Variants in GRIK1 observed in about 807,000 individuals in gnomAD.
The protein encoded by GRIK1 is glutamate ionotropic receptor kainate type subunit 1.
In GRIK1, 69 loss-of-function variants were observed where a neutral mutation model predicts 105.7. The observed-to-expected ratio is 0.65, with a 90% CI of 0.54 to 0.80. The LOEUF (loss-of-function observed/expected upper bound fraction) is 0.80. Among genes scored for constraint, GRIK1 ranks in the 30% least tolerant of loss-of-function variants. The pLI is 0.00. For synonymous variants in GRIK1, 438 were observed against 431.3 expected (o/e 1.02, Z -0.19); for missense variants, 1,109 against 1,167.3 (o/e 0.95, Z 0.73).
intron 1 of GRIK1, among the ~76,000 whole-genome samples, chr21:29,879,252 T>C (rs2069307104): frequency 6.6e-6 from 1 of 152,100 alleles, no homozygotes; most frequent in Admixed American, 6.6e-5. Context: ...GCTGTTGGAA[T>C]TGGTGGTCTG....
chr21:29,660,015 A>C (rs953101510), intron 4 of GRIK1, among the ~76,000 whole-genome samples: 9 of 151,988 alleles, frequency 5.9e-5, no homozygotes, highest in Non-Finnish European at 1.3e-4. Flanking sequence ...AAAAACCCTC[A>C]CTGCCAGCTG....
At chr21:29,544,377 G>A (rs886888154) in intron 16 of GRIK1, among the ~76,000 whole-genome samples, 2 of 152,162 alleles carry the variant, frequency 1.3e-5, no homozygotes, top group East Asian at 3.9e-4. Context: ...TGACAAGTAG[G>A]GGATGTGTAA....
intron 1 of GRIK1, among the ~76,000 whole-genome samples, chr21:29,868,675 G>A (rs771802306): frequency 6.6e-6 from 1 of 151,748 alleles, no homozygotes; most frequent in African/African-American, 2.4e-5. Context: ...CCTCATCTTC[G>A]CCTGTCTTTC....
chr21:29,646,366 T>C (rs562304097), intron 6 of GRIK1, among the ~76,000 whole-genome samples: 37 of 152,328 alleles, frequency 2.4e-4, no homozygotes, highest in African/African-American at 8.7e-4. Context: ...TGCAACTCTA[T>C]TGGGAGAGGA....
At chr21:29,781,796 C>A (rs1446769922) in intron 1 of GRIK1, among the ~76,000 whole-genome samples, 3 of 145,378 alleles carry the variant, frequency 2.1e-5, no homozygotes, top group South Asian at 2.3e-4. Flanking sequence ...TCAGCCTCCC[C>A]AGTAGCTGGG....
At position 29,695,436 on chromosome 21, in the gene GRIK1, A is replaced by ATATC. The variant is rs36155253; in HGVS notation, c.119-1377_119-1374dup. ...GGCTGACATATCTATATCTATATCAATATCTATCTATCTATCTATCTATCT... is the reference window on the plus strand; with the variant it reads ...GGCTGACATATCTATATCTATATCAATATCTATCTATCTATCTATCTATCTATCT... On this transcript the variant is annotated intron_variant, in intron 1 of 17. Transcript: ENST00000327783. 9.3e-3 allele frequency among the ~76,000 whole-genome samples: 1,360 copies of ATATC among 146,730 alleles called. 9 individuals carry two copies. The highest frequency in any genetic ancestry group is 0.015 in the African/African-American group (602 of 40,140).
intron 1 of GRIK1, among the ~76,000 whole-genome samples, chr21:29,900,910 TA>T (rs1347508186): frequency 3.3e-5 from 5 of 152,264 alleles, no homozygotes; most frequent in African/African-American, 1.2e-4. Context: ...TCAGCAAATG[TA>T]AAAGAACAGA....
intron 1 of GRIK1, among the ~76,000 whole-genome samples, chr21:29,711,332 C>T (rs768896797): frequency 6.6e-6 from 1 of 152,152 alleles, no homozygotes; most frequent in Non-Finnish European, 1.5e-5. Context: ...CAGTAGCATA[C>T]TGCACAGGTT....
At chr21:29,929,947 A>G (rs2071510437) in intron 1 of GRIK1, among the ~76,000 whole-genome samples, 1 of 152,226 alleles carries the variant, frequency 6.6e-6, no homozygotes, top group African/African-American at 2.4e-5. Flanking sequence ...GGATAAAGAA[A>G]ATGTGGTAAA....
At chr21:29,804,067 G>A (rs2066787152) in intron 1 of GRIK1, among the ~76,000 whole-genome samples, 1 of 152,092 alleles carries the variant, frequency 6.6e-6, no homozygotes, top group Admixed American at 6.6e-5. Context: ...AGCTCATAAT[G>A]GCATTAGATG....
chr21:29,926,540 A>G (rs2071377218), intron 1 of GRIK1, among the ~76,000 whole-genome samples: 1 of 152,152 alleles, frequency 6.6e-6, no homozygotes, highest in African/African-American at 2.4e-5. Flanking sequence ...TAGTATTCTC[A>G]GTTATGAAAT....
intron 1 of GRIK1, among the ~76,000 whole-genome samples, chr21:29,934,589 T>C (rs183695906): frequency 6.6e-6 from 1 of 152,306 alleles, no homozygotes; most frequent in Admixed American, 6.5e-5. Flanking sequence ...GTAAGTGTTA[T>C]TTATTGTTTG....
intron 15 of GRIK1, among the ~76,000 whole-genome samples, chr21:29,560,355 C>CTTTCTTTT: frequency 1.7e-5 from 1 of 58,860 alleles, no homozygotes; most frequent in Admixed American, 1.9e-4. Flanking sequence ...TTCTTTCTTT[C>CTTTCTTTT]TTTTTCTTTC....
intron 1 of GRIK1, among the ~76,000 whole-genome samples, chr21:29,713,111 G>A (rs932884154): frequency 2.6e-5 from 4 of 152,084 alleles, no homozygotes. Flanking sequence ...CTCAGCAGCT[G>A]TCGGCACACT....
At chr21:29,854,017 C>T (rs2068385134) in intron 1 of GRIK1, among the ~76,000 whole-genome samples, 1 of 152,110 alleles carries the variant, frequency 6.6e-6, no homozygotes, top group Admixed American at 6.5e-5. Flanking sequence ...CAGTAGTGAG[C>T]GGCCTAGTCC....
intron 1 of GRIK1, among the ~76,000 whole-genome samples, chr21:29,764,870 T>C (rs545442282): frequency 1.4e-4 from 21 of 152,302 alleles, no homozygotes; most frequent in South Asian, 1.2e-3. Flanking sequence ...ACAAGCTAGA[T>C]ACTGGAACTT....
Position 29,673,085 on chromosome 21 carries a change from C to A in GRIK1, c.624G>T (p.Gly208=), listed in dbSNP as rs772518630. 2.5e-6 allele frequency: 4 copies of A among 1,611,692 alleles called. No homozygotes were observed. The highest frequency in any genetic ancestry group is 3.4e-6 in the Non-Finnish European group (4 of 1,177,950). ...TGAGTAAAGGCTTGGCATCTTTATT[C>A]CCAGAGGGCAGCTGGCGGATTTTGA... ...IKIKIRQLPS[G]NKDAKPLLKE... Residue 208 remains glycine (G), a synonymous_variant, in exon 4 of 18, where the codon GGG becomes GGT. Coordinates refer to ENST00000327783, the MANE Select transcript of GRIK1 (RefSeq NM_001330994.2).
chr21:29,884,390 T>C (rs992888449), intron 1 of GRIK1, among the ~76,000 whole-genome samples: 1 of 152,036 alleles, frequency 6.6e-6, no homozygotes, highest in Non-Finnish European at 1.5e-5. Flanking sequence ...TCTCTAAGTA[T>C]GGTCAAGAGG....
At chr21:29,598,559 G>T (rs1036741664) in intron 8 of GRIK1, among the ~76,000 whole-genome samples, 10 of 151,958 alleles carry the variant, frequency 6.6e-5, no homozygotes, top group African/African-American at 2.4e-4. Context: ...CCAACTCTAG[G>T]GTTATATATG....
Sources: allele counts gnomAD v4.1 joint callset (sites outside exome capture counted in the v4.1 genomes callset), GRCh38; gene constraint gnomAD v4.1.1; transcripts MANE v1.5; gene names NCBI Gene and HGNC (gene_info 2026-07-23, HGNC 2026-07-21).